The following MBTD1 variants were observed in gnomAD, a reference collection of about 807,000 sequenced individuals.
MBTD1 encodes mbt domain containing 1.
Under a neutral mutation model 87.8 loss-of-function variants are expected in MBTD1, and 24 were observed. The observed-to-expected ratio is 0.27, with a 90% CI of 0.20 to 0.38. The LOEUF (loss-of-function observed/expected upper bound fraction) is 0.38, where lower values mean the gene tolerates loss of function less well. Among genes scored for constraint, MBTD1 ranks in the 10% least tolerant of loss-of-function variants. MBTD1 has a pLI of 1.00. For missense variants in MBTD1, 436 were observed against 760.2 expected (o/e 0.57, Z 5.02); for synonymous variants, 237 against 248.6 (o/e 0.95, Z 0.44).
intron 2 of MBTD1, among the ~76,000 whole-genome samples, chr17:51,233,749 T>TA (rs2053669409): frequency 6.6e-6 from 1 of 151,824 alleles, no homozygotes; most frequent in East Asian, 1.9e-4. Flanking sequence ...CTTAATGATT[T>TA]AAAAAAAAAT....
At chr17:51,217,202 T>C (rs771599500) in intron 6 of MBTD1, 132 bp downstream of exon 6, 8 of 555,680 alleles carry the variant, frequency 1.4e-5, no homozygotes, top group African/African-American at 2.0e-5. Flanking sequence ...AGTATAATAA[T>C]AAAAGAAGCA....
At chr17:51,227,047 C>T (rs1348906221) in intron 2 of MBTD1, among the ~76,000 whole-genome samples, 3 of 151,878 alleles carry the variant, frequency 2.0e-5, no homozygotes, top group African/African-American at 7.2e-5. Context: ...TCGAGACCAT[C>T]CTGGCTAACA....
At chr17:51,223,533 T>TCAACAA (rs890952409) in intron 3 of MBTD1, among the ~76,000 whole-genome samples, 6 of 148,978 alleles carry the variant, frequency 4.0e-5, no homozygotes, top group Non-Finnish European at 8.9e-5. Flanking sequence ...CAAGACTGTC[T>TCAACAA]CAACAACAAC....
At chr17:51,216,519 G>A (rs1568190729) in intron 6 of MBTD1, among the ~76,000 whole-genome samples, 2 of 151,062 alleles carry the variant, frequency 1.3e-5, no homozygotes, top group African/African-American at 4.9e-5. Context: ...GGTTTCTCAT[G>A]ATATATATAT....
chr17:51,207,381 T>A (rs997468368), intron 6 of MBTD1, among the ~76,000 whole-genome samples: 1 of 152,198 alleles, frequency 6.6e-6, no homozygotes, highest in African/African-American at 2.4e-5. Context: ...TTTTAAAAGA[T>A]CTGGCCTAAG....
intron 6 of MBTD1, among the ~76,000 whole-genome samples, chr17:51,217,087 GA>G (rs1259758327): frequency 6.6e-6 from 1 of 151,906 alleles, no homozygotes; most frequent in Non-Finnish European, 1.5e-5. Flanking sequence ...GTATTTATAA[GA>G]GAAGACTAGT....
In MBTD1 at chr17:51,217,178, G is replaced by A. The variant is rs375308432; in HGVS notation, c.486+156C>T. Reference sequence around the variant, plus strand: ...ACTTACAAAACTTACAGAAGTTCTTGTTAACTATTATTAAGTATAATAATA... The same window carrying A: ...ACTTACAAAACTTACAGAAGTTCTTATTAACTATTATTAAGTATAATAATA... On this transcript the variant is annotated intron_variant, in intron 6 of 16. Transcript: ENST00000586178. Among the ~76,000 whole-genome samples the A allele has an allele frequency of 3.3e-5, 5 of 152,118 alleles. No homozygotes were observed. In the East Asian group the frequency reaches 7.7e-4, roughly 23 times the overall value.
intron 2 of MBTD1, among the ~76,000 whole-genome samples, chr17:51,228,684 G>A (rs918617975): frequency 1.3e-5 from 2 of 151,854 alleles, no homozygotes; most frequent in Non-Finnish European, 2.9e-5. Flanking sequence ...GCTGAGGTCA[G>A]GAGTTTGAGA....
intron 5 of MBTD1, 94 bp downstream of exon 5, chr17:51,218,836 C>T (rs2052727449): frequency 1.2e-5 from 9 of 744,784 alleles, no homozygotes; most frequent in Non-Finnish European, 1.8e-5. Context: ...ATAGAAACAG[C>T]TAGTTAAACA....
At chr17:51,216,499 C>A (rs1055996589) in intron 6 of MBTD1, among the ~76,000 whole-genome samples, 1 of 151,964 alleles carries the variant, frequency 6.6e-6, no homozygotes, top group Admixed American at 6.6e-5. Flanking sequence ...GAAAAGAAAA[C>A]CTTTTAAAGG....
intron 12 of MBTD1, among the ~76,000 whole-genome samples, chr17:51,200,651 T>C (rs1050507664): frequency 6.9e-6 from 1 of 145,434 alleles, no homozygotes; most frequent in African/African-American, 2.6e-5. Flanking sequence ...GTTACTTGAG[T>C]CCAGGAATTC....
chr17:51,184,467 T>C (rs949119920), intron 16 of MBTD1: 2 of 152,216 alleles, frequency 1.3e-5, no homozygotes, highest in African/African-American at 4.8e-5. Context: ...ATAGTTAAGG[T>C]AGCAATGTAG....
chr17:51,187,541 A>G (rs2050595302), intron 16 of MBTD1, among the ~76,000 whole-genome samples: 1 of 152,280 alleles, frequency 6.6e-6, no homozygotes, highest in Admixed American at 6.5e-5. Flanking sequence ...GGCATAGTGC[A>G]TTAATCATAT....
chr17:51,244,551 G>A (rs1267214887), intron 2 of MBTD1, among the ~76,000 whole-genome samples: 3 of 152,120 alleles, frequency 2.0e-5, no homozygotes, highest in African/African-American at 7.2e-5. Flanking sequence ...GGGATTACAG[G>A]TGTGCACCAA....
chr17:51,213,092 G>T (rs1486743310), intron 6 of MBTD1, among the ~76,000 whole-genome samples: 1 of 152,144 alleles, frequency 6.6e-6, no homozygotes, highest in East Asian at 1.9e-4. Flanking sequence ...AGGCTGGAGT[G>T]CAGTGGTACG....
chr17:51,229,553 G>T (rs910240998), intron 2 of MBTD1, among the ~76,000 whole-genome samples: 1 of 151,792 alleles, frequency 6.6e-6, no homozygotes, highest in African/African-American at 2.4e-5. Flanking sequence ...TACAAAAACT[G>T]ATTTCTTAGT....
At chr17:51,247,979 T>C (rs539698977) in intron 2 of MBTD1, among the ~76,000 whole-genome samples, 2 of 152,348 alleles carry the variant, frequency 1.3e-5, no homozygotes, top group Non-Finnish European at 1.5e-5. Flanking sequence ...AAATTATCCA[T>C]TTCATCTAGG....
Position 51,177,588 on chromosome 17 carries a change from CATT to C in MBTD1, c.*2985_*2987del, listed in dbSNP as rs2050153821. On this transcript the variant is annotated 3_prime_UTR_variant, in exon 17 of 17. Transcript: ENST00000586178. ...ATTTTTCCAAAGGAATTTTTCACGC[CATT>C]ATATATACACTTCATGAGAAAGTTT... 1 of 152,034 alleles carries C rather than the reference CATT, an allele frequency of 6.6e-6. No homozygotes were observed. 9.4% of individuals were successfully genotyped at this position (152,034 alleles called of 1,614,324 possible).
At chr17:51,247,907 AT>A (rs2054543173) in intron 2 of MBTD1, among the ~76,000 whole-genome samples, 1 of 152,144 alleles carries the variant, frequency 6.6e-6, no homozygotes, top group East Asian at 1.9e-4. Flanking sequence ...TTCTAGGAAA[AT>A]TGGTCTTATT....
Sources: allele counts gnomAD v4.1 joint callset (sites outside exome capture counted in the v4.1 genomes callset), GRCh38; gene constraint gnomAD v4.1.1; transcripts MANE v1.5; gene names NCBI Gene and HGNC (gene_info 2026-07-23, HGNC 2026-07-21).